Variants in AGBL4 observed in about 807,000 individuals in gnomAD.
AGBL4 encodes the protein AGBL carboxypeptidase 4, also known as cytosolic carboxypeptidase 6.
In AGBL4, 58 loss-of-function variants were observed where a neutral mutation model predicts 66.4. That is an observed-to-expected ratio of 0.87 (90% CI 0.71 to 1.09). AGBL4 has a LOEUF of 1.09. Ranked by LOEUF, AGBL4 falls within the 50% of genes least tolerant of loss-of-function variation. The pLI is 0.00. For synonymous variants in AGBL4, 234 were observed against 222.9 expected (o/e 1.05, Z -0.44); for missense variants, 579 against 631.0 (o/e 0.92, Z 0.88).
chr1:49,301,155 T>C (rs1197855216), intron 3 of AGBL4, among the ~76,000 whole-genome samples: 1 of 152,232 alleles, frequency 6.6e-6, no homozygotes, highest in South Asian at 2.1e-4. Flanking sequence ...CACTGATCAG[T>C]ATCTCTCAAT....
In AGBL4 at chr1:49,136,414, C is replaced by T. The variant is rs368204177; in HGVS notation, c.378-90614G>A. Among the ~76,000 whole-genome samples, 51 of 152,266 alleles carry T rather than the reference C, an allele frequency of 3.3e-4. 1 individual carries two copies. The South Asian group carries it at 9.5e-3, about 28-fold the overall frequency. Reference sequence around the variant, plus strand: ...GAATTCAAATATAGACCCTTCTGACCTTCAAGATGCACCTTGTCCACTACA... The same window carrying T: ...GAATTCAAATATAGACCCTTCTGACTTTCAAGATGCACCTTGTCCACTACA... On this transcript the variant is annotated intron_variant, in intron 4 of 13. Transcript: ENST00000371839.
intron 3 of AGBL4, among the ~76,000 whole-genome samples, chr1:49,611,542 A>AT (rs372296674): frequency 0.022 from 3,363 of 151,460 alleles, 137 homozygotes; most frequent in African/African-American, 0.077. Flanking sequence ...TGCCCAGCTA[A>AT]TTTTTTTTGT....
chr1:49,433,994 A>C (rs1244092337), intron 3 of AGBL4, among the ~76,000 whole-genome samples: 1 of 152,160 alleles, frequency 6.6e-6, no homozygotes, highest in Non-Finnish European at 1.5e-5. Context: ...GGAAGAAATA[A>C]ATTTTCATTG....
At chr1:49,839,847 C>T (rs1049016514) in intron 2 of AGBL4, among the ~76,000 whole-genome samples, 14 of 152,158 alleles carry the variant, frequency 9.2e-5, no homozygotes, top group Non-Finnish European at 1.9e-4. Flanking sequence ...AATACTTTCT[C>T]CTATTATAAT....
At chr1:48,732,220 A>G (rs903432757) in intron 6 of AGBL4, among the ~76,000 whole-genome samples, 12 of 152,084 alleles carry the variant, frequency 7.9e-5, no homozygotes, top group African/African-American at 2.9e-4. Flanking sequence ...CTTCACAGAG[A>G]AGGAGAGGAA....
chr1:49,483,791 A>G (rs966853094), intron 3 of AGBL4, among the ~76,000 whole-genome samples: 5 of 152,066 alleles, frequency 3.3e-5, no homozygotes, highest in African/African-American at 9.7e-5. Flanking sequence ...TGCACAGTAT[A>G]GGAAACAATC....
chr1:48,719,867 T>C (rs1011053891), intron 6 of AGBL4, among the ~76,000 whole-genome samples: 8 of 152,146 alleles, frequency 5.3e-5, no homozygotes, highest in African/African-American at 1.9e-4. Flanking sequence ...GTGAAGCCCA[T>C]AGTCACATTC....
At chr1:48,808,595 G>A (rs980012136) in intron 6 of AGBL4, among the ~76,000 whole-genome samples, 1 of 152,178 alleles carries the variant, frequency 6.6e-6, no homozygotes. Context: ...GCCCAGAGAG[G>A]CTGAGATCAC....
At chr1:48,789,088 G>A (rs1351245131) in intron 6 of AGBL4, among the ~76,000 whole-genome samples, 1 of 152,062 alleles carries the variant, frequency 6.6e-6, no homozygotes, top group Non-Finnish European at 1.5e-5. Flanking sequence ...AGCAACTGAG[G>A]TTCAGAGAGG....
At chr1:49,666,013 A>T (rs1014109093) in intron 3 of AGBL4, among the ~76,000 whole-genome samples, 21 of 151,268 alleles carry the variant, frequency 1.4e-4, no homozygotes, top group Non-Finnish European at 1.9e-4. Flanking sequence ...TTTTTAAAAA[A>T]TTTTTTTTCT....
At chr1:49,013,973 A>T (rs4926781) in intron 5 of AGBL4, among the ~76,000 whole-genome samples, 86,277 of 151,858 alleles carry the variant, frequency 0.57, 24,951 homozygotes, top group Non-Finnish European at 0.61. Context: ...GTCCTTATTG[A>T]TGGACCCACA....
At chr1:49,700,409 A>T (rs1444380735) in intron 2 of AGBL4, among the ~76,000 whole-genome samples, 1 of 152,040 alleles carries the variant, frequency 6.6e-6, no homozygotes, top group Non-Finnish European at 1.5e-5. Context: ...ATCTAGAATC[A>T]AAATGAGAAA....
At chr1:49,505,263 A>G (rs1648571899) in intron 3 of AGBL4, among the ~76,000 whole-genome samples, 1 of 152,088 alleles carries the variant, frequency 6.6e-6, no homozygotes, top group Non-Finnish European at 1.5e-5. Flanking sequence ...AGTGACTTAG[A>G]AACCACTATT....
intron 9 of AGBL4, among the ~76,000 whole-genome samples, chr1:48,629,357 G>A (rs762528353): frequency 9.9e-5 from 15 of 152,104 alleles, no homozygotes; most frequent in Non-Finnish European, 2.2e-4. Flanking sequence ...CATGGACAGC[G>A]GGTAAGCTCT....
chr1:49,595,041 C>A (rs1025033627), intron 3 of AGBL4, among the ~76,000 whole-genome samples: 3 of 152,036 alleles, frequency 2.0e-5, no homozygotes, highest in Non-Finnish European at 4.4e-5. Flanking sequence ...TGTTTTTTCC[C>A]GACTTTTCAA....
intron 5 of AGBL4, among the ~76,000 whole-genome samples, chr1:48,888,738 G>C (rs1055248652): frequency 1.3e-5 from 2 of 152,186 alleles, no homozygotes; most frequent in African/African-American, 4.8e-5. Context: ...GGCTAATACA[G>C]TATGCTTCTG....
intron 4 of AGBL4, among the ~76,000 whole-genome samples, chr1:49,213,384 G>T (rs1648823604): frequency 1.3e-5 from 2 of 152,202 alleles, no homozygotes; most frequent in Middle Eastern, 3.4e-3. Context: ...TGGAGGTGGG[G>T]CCTGGTGGGA....
chr1:48,915,641 G>A (rs1373520232), intron 5 of AGBL4, among the ~76,000 whole-genome samples: 1 of 152,104 alleles, frequency 6.6e-6, no homozygotes, highest in African/African-American at 2.4e-5. Context: ...CTGGGAACTT[G>A]TTAGAAACGT....
chr1:49,522,738 T>C (rs1650363006), intron 3 of AGBL4, among the ~76,000 whole-genome samples: 1 of 152,162 alleles, frequency 6.6e-6, no homozygotes, highest in South Asian at 2.1e-4. Flanking sequence ...GCCATTTCTC[T>C]AGCCACTACC....
Sources: allele counts gnomAD v4.1 joint callset (sites outside exome capture counted in the v4.1 genomes callset), GRCh38; gene constraint gnomAD v4.1.1; transcripts MANE v1.5; gene names NCBI Gene and HGNC (gene_info 2026-07-23, HGNC 2026-07-21).